The following NECAB3 variants were observed in gnomAD, a reference collection of about 807,000 sequenced individuals.
NECAB3 encodes the protein N-terminal EF-hand calcium-binding protein 3.
In NECAB3, 38 loss-of-function variants were observed where a neutral mutation model predicts 57.2. The ratio of observed to expected loss-of-function variants is 0.66; its 90% CI spans 0.51 to 0.87. The LOEUF (loss-of-function observed/expected upper bound fraction) is 0.87, where lower values mean the gene tolerates loss of function less well. Among genes scored for constraint, NECAB3 ranks in the 40% least tolerant of loss-of-function variants. The pLI is 0.00. For missense variants in NECAB3, 474 were observed against 527.5 expected (o/e 0.90, Z 0.99); for synonymous variants, 223 against 222.6 (o/e 1.00, Z -0.02).
In NECAB3 at chr20:33,658,730, A is replaced by G; in HGVS notation, c.984T>C (p.His328=). The G allele has an allele frequency of 6.2e-7, 1 of 1,613,308 alleles. No homozygotes were observed. The highest frequency in any genetic ancestry group is 8.5e-7 in the Non-Finnish European group (1 of 1,179,782). The part of the protein sequence containing the change: ...CYVDFTGAQS[H]CLHVSAQKML... ...GCCAGCTGGGGACTCACTGCAGACA[A>G]TGGCTCTGGGCCCCTGTGAAGTCCA... Residue 328 remains histidine (H), a synonymous_variant, in exon 9 of 12, where the codon CAT becomes CAC. Coordinates refer to ENST00000246190, the MANE Select transcript of NECAB3 (RefSeq NM_031232.4).
Position 33,660,048 on chromosome 20 carries a change from A to AC in NECAB3, c.525-46dup, listed in dbSNP as rs1426319980. 5 of 1,556,294 alleles carry AC rather than the reference A, an allele frequency of 3.2e-6. No individual in the cohort carries two copies. In the South Asian group the frequency reaches 3.5e-5, roughly 11 times the overall value. The stretch of plus-strand genomic sequence containing the variant: ...CAGGGCCGAGGACTGGGGCCCCAGG[A>AC]CGGGATAAGCCTGGGTGGGGAAGAC... On this transcript the variant is annotated intron_variant, in intron 6 of 11. Coordinates refer to ENST00000246190, the MANE Select transcript of NECAB3 (RefSeq NM_031232.4). The surrounding 1 kb of genome is among the most constrained non-coding windows in gnomAD (Gnocchi z 4.1).
In NECAB3 at chr20:33,660,229, G is replaced by A. The variant is rs1289586817; in HGVS notation, c.524+30C>T. ...GGGTACAATGGGCGCTTGTGCACTA[G>A]CCCCACAGGTTGACAGCACCCTTAC... On this transcript the variant is annotated intron_variant, in intron 6 of 11. Transcript: ENST00000246190. The surrounding 1 kb of genome is among the most constrained non-coding windows in gnomAD (Gnocchi z 4.1). The A allele has an allele frequency of 6.2e-7, 1 of 1,606,742 alleles. No homozygotes were observed. Among genetic ancestry groups the A allele is most frequent in the African/African-American group, 1.3e-5 (1 of 74,956 alleles).
In NECAB3 at chr20:33,660,861, G is replaced by A. The variant is rs1242429693; in HGVS notation, c.388-466C>T. ...TTCATTCACTCATACACACAACACT[G>A]GGTGCTTTTTACTAGGAGCTGCTGA... On this transcript the variant is annotated intron_variant, in intron 5 of 11. Transcript: ENST00000246190. This position sits in a 1 kb window ranked among gnomAD's most constrained non-coding sequence, Gnocchi z 4.1. Among the ~76,000 whole-genome samples the A allele has an allele frequency of 1.3e-5, 2 of 152,292 alleles. No individual in the cohort carries two copies. Among genetic ancestry groups the A allele is most frequent in the East Asian group, 3.9e-4 (2 of 5,182 alleles).
rs2017422757 is a variant in NECAB3, at chr20:33,660,209, C to A, written c.524+50G>T. 2 of 1,592,416 alleles carry A rather than the reference C, an allele frequency of 1.3e-6. No individual in the cohort carries two copies. Among genetic ancestry groups the A allele is most frequent in the Non-Finnish European group, 1.7e-6 (2 of 1,166,216 alleles). On this transcript the variant is annotated intron_variant, in intron 6 of 11. Coordinates refer to ENST00000246190, the MANE Select transcript of NECAB3 (RefSeq NM_031232.4). This position sits in a 1 kb window ranked among gnomAD's most constrained non-coding sequence, Gnocchi z 4.1. ...ACTGTGGGGATTTGGAATGGGGGTACAATGGGCGCTTGTGCACTAGCCCCA... is the reference window on the plus strand; with the variant it reads ...ACTGTGGGGATTTGGAATGGGGGTAAAATGGGCGCTTGTGCACTAGCCCCA...
chr20:33,663,185 G>A (rs148760149), intron 5 of NECAB3, among the ~76,000 whole-genome samples: 68 of 152,332 alleles, frequency 4.5e-4, no homozygotes, highest in African/African-American at 1.5e-3. Context: ...CAAATGAGCA[G>A]AAGCCCTGGA....
At chr20:33,662,211 C>G (rs1227730087) in intron 5 of NECAB3, 2 of 1,188,448 alleles carry the variant, frequency 1.7e-6, no homozygotes, top group Admixed American at 5.3e-5. Flanking sequence ...CCCAGATTCA[C>G]CTGTGGGCCC....
At chr20:33,666,251 C>A (rs545289531) in intron 5 of NECAB3, among the ~76,000 whole-genome samples, 1 of 152,274 alleles carries the variant, frequency 6.6e-6, no homozygotes, top group Non-Finnish European at 1.5e-5. Context: ...GGGGGCCACA[C>A]ATCTGGACAG....
Position 33,662,452 on chromosome 20 carries a change from T to A in NECAB3, c.388-2057A>T, listed in dbSNP as rs909320290. On this transcript the variant is annotated intron_variant, in intron 5 of 11. Coordinates refer to ENST00000246190, the MANE Select transcript of NECAB3 (RefSeq NM_031232.4). ...TGGTGGAAATCGTTCCTCAACCACCTCACTCGGAAGAAGCCGGCTGTGAGG... is the reference window on the plus strand; with the variant it reads ...TGGTGGAAATCGTTCCTCAACCACCACACTCGGAAGAAGCCGGCTGTGAGG... 2.6e-6 allele frequency: 4 copies of A among 1,551,510 alleles called. No homozygotes were observed. The African/African-American group carries it at 5.5e-5, about 21-fold the overall frequency.
At chr20:33,662,331 G>T in intron 5 of NECAB3, 1 of 1,550,776 alleles carries the variant, frequency 6.4e-7, no homozygotes. Context: ...GTCCCCAGTG[G>T]TGACCAGCCC....
intron 1 of NECAB3, 89 bp from the exon 2 acceptor site, chr20:33,672,511 G>A (rs984144227): frequency 2.8e-5 from 43 of 1,516,696 alleles, no homozygotes; most frequent in Middle Eastern, 1.7e-4. Flanking sequence ...CCAGCTGGCC[G>A]ACCTACCCCC....
intron 5 of NECAB3, chr20:33,663,277 G>A: frequency 1.8e-6 from 1 of 549,304 alleles, no homozygotes; most frequent in Non-Finnish European, 3.2e-6. Context: ...GCTGGTCTCA[G>A]GAAGTCAGCC....
chr20:33,664,622 C>T (rs1021849201), intron 5 of NECAB3: 4 of 152,478 alleles, frequency 2.6e-5, no homozygotes, highest in African/African-American at 9.6e-5. Context: ...GGGAAAAAGC[C>T]CACAGCTTCA....
intron 5 of NECAB3, chr20:33,663,385 C>G: frequency 1.1e-6 from 1 of 871,702 alleles, no homozygotes; most frequent in Non-Finnish European, 1.7e-6. Context: ...GGGGTCCCCT[C>G]CAGCCCTGTG....
chr20:33,658,146 C>T, intron 10 of NECAB3, 113 bp from the exon 11 acceptor site: 1 of 931,850 alleles, frequency 1.1e-6, no homozygotes, highest in Non-Finnish European at 1.6e-6. Flanking sequence ...GTCCTCTCCC[C>T]TGTGACACGG....
At position 33,660,038 on chromosome 20, in the gene NECAB3, G is replaced by C. The variant is rs1462647675; in HGVS notation, c.525-35C>G. 1 of 1,562,468 alleles carries C rather than the reference G, an allele frequency of 6.4e-7. No individual in the cohort carries two copies. Among genetic ancestry groups the C allele is most frequent in the East Asian group, 2.3e-5 (1 of 43,394 alleles). The stretch of plus-strand genomic sequence containing the variant: ...GTGAGGCTCACAGGGCCGAGGACTG[G>C]GGCCCCAGGACGGGATAAGCCTGGG... On this transcript the variant is annotated intron_variant, in intron 6 of 11. Coordinates refer to ENST00000246190, the MANE Select transcript of NECAB3 (RefSeq NM_031232.4). This position sits in a 1 kb window ranked among gnomAD's most constrained non-coding sequence, Gnocchi z 4.1.
intron 2 of NECAB3, 42 bp from the exon 3 acceptor site, chr20:33,670,834 C>G (rs190741226): frequency 6.9e-7 from 1 of 1,444,656 alleles, no homozygotes; most frequent in African/African-American, 1.4e-5. Flanking sequence ...GGAGGTATCC[C>G]TGACCCTGAC....
intron 1 of NECAB3, 23 bp downstream of exon 1, chr20:33,674,201 G>C: frequency 8.0e-7 from 1 of 1,257,170 alleles, no homozygotes; most frequent in Non-Finnish European, 1.0e-6. Flanking sequence ...GAGACACCGC[G>C]AGCAGAGCCC....
At chr20:33,659,837 G>T (rs1430961033) in intron 7 of NECAB3, 48 bp downstream of exon 7, 1 of 1,535,302 alleles carries the variant, frequency 6.5e-7, no homozygotes, top group South Asian at 1.2e-5. Context: ...GGGAAGGGGG[G>T]ATGCGGTGCC....
At position 33,660,037 on chromosome 20, in the gene NECAB3, G is replaced by C. The variant is rs747714980; in HGVS notation, c.525-34C>G. The C allele has an allele frequency of 6.4e-7, 1 of 1,562,162 alleles. No individual in the cohort carries two copies. The highest frequency in any genetic ancestry group is 2.3e-5 in the East Asian group (1 of 43,382). ...AGTGAGGCTCACAGGGCCGAGGACT[G>C]GGGCCCCAGGACGGGATAAGCCTGG... is the stretch of plus-strand genomic sequence containing the variant. On this transcript the variant is annotated intron_variant, in intron 6 of 11. Coordinates refer to ENST00000246190, the MANE Select transcript of NECAB3 (RefSeq NM_031232.4). The surrounding 1 kb of genome is among the most constrained non-coding windows in gnomAD (Gnocchi z 4.1).
Sources: gnomAD v4.1 joint callset for allele counts (sites outside exome capture counted in the v4.1 genomes callset) on GRCh38, gnomAD v4.1.1 for gene constraint, Gnocchi (gnomAD v3.1) non-coding constraint, MANE v1.5 for transcripts, NCBI Gene and HGNC (gene_info 2026-07-23, HGNC 2026-07-21) for gene names.